The following NEBL variants were observed in gnomAD, a reference collection of about 807,000 sequenced individuals.
The protein encoded by NEBL is LIM and SH3 protein 2.
Under a neutral mutation model 140.2 loss-of-function variants are expected in NEBL, and 122 were observed. The observed-to-expected ratio is 0.87, with a 90% confidence interval of 0.75 to 1.01. The LOEUF (loss-of-function observed/expected upper bound fraction) is 1.01, where lower values mean the gene tolerates loss of function less well. Among genes scored for constraint, NEBL ranks in the 50% least tolerant of loss-of-function variants. The pLI, the probability that NEBL is intolerant of heterozygous loss-of-function variation, is 0.00. For synonymous variants in NEBL, 436 were observed against 398.9 expected (o/e 1.09, Z -1.11); for missense variants, 1,365 against 1,231.3 (o/e 1.11, Z -1.62).
At chr10:20,922,460 C>A (rs775799494) in intron 4 of NEBL, among the ~76,000 whole-genome samples, 6 of 152,158 alleles carry the variant, frequency 3.9e-5, no homozygotes, top group Non-Finnish European at 8.8e-5. Flanking sequence ...TACCAAAAAG[C>A]AAACTCATCC....
intron 2 of NEBL, among the ~76,000 whole-genome samples, chr10:21,132,802 C>A (rs777937041): frequency 4.6e-5 from 7 of 152,176 alleles, no homozygotes; most frequent in Non-Finnish European, 1.0e-4. Context: ...CTATTCAAAT[C>A]TGTTGCCTAT....
chr10:21,260,414 C>T (rs935393557), intron 1 of NEBL, among the ~76,000 whole-genome samples: 4 of 152,214 alleles, frequency 2.6e-5, no homozygotes, highest in African/African-American at 9.6e-5. Flanking sequence ...TTATGTTCAT[C>T]ATTTTCTTAT....
At chr10:21,112,804 G>T (rs528870087) in intron 2 of NEBL, 2 of 204,110 alleles carry the variant, frequency 9.8e-6, no homozygotes, top group East Asian at 2.4e-4. Flanking sequence ...TTTCCCTTGG[G>T]GGCTTTGAAA....
rs192147193 is a variant in NEBL, at chr10:20,782,974, T to G, written c.*2773A>C. On this transcript the variant is annotated 3_prime_UTR_variant, in exon 28 of 28. Transcript: ENST00000377122. ...TTTTAAAAGTGTATCAAACTGTTCC[T>G]TGTGCTTCTGTCAGGCTTGAGAACA... is the stretch of plus-strand genomic sequence containing the variant. 4.8e-4 allele frequency: 73 copies of G among 152,784 alleles called. No individual in the cohort carries two copies. Among genetic ancestry groups the G allele is most frequent in the African/African-American group, 1.7e-3 (72 of 41,586 alleles). 9.5% of individuals were successfully genotyped at this position (152,784 alleles called of 1,614,324 possible).
intron 3 of NEBL, among the ~76,000 whole-genome samples, chr10:21,005,789 C>G (rs1202761903): frequency 6.6e-6 from 1 of 151,754 alleles, no homozygotes; most frequent in African/African-American, 2.4e-5. Flanking sequence ...TACATCTACC[C>G]ACCCATAAGT....
chr10:20,837,315 G>T (rs1359577921), intron 13 of NEBL, among the ~76,000 whole-genome samples: 1 of 152,184 alleles, frequency 6.6e-6, no homozygotes, highest in Non-Finnish European at 1.5e-5. Context: ...CTGATATAGA[G>T]AAAGTTTTAG....
At chr10:20,926,060 A>T (rs1443218549) in intron 4 of NEBL, among the ~76,000 whole-genome samples, 1 of 151,954 alleles carries the variant, frequency 6.6e-6, no homozygotes, top group Non-Finnish European at 1.5e-5. Flanking sequence ...GTTTAACTAA[A>T]CTCTCCATTA....
At chr10:21,133,884 A>G (rs1293980945) in intron 2 of NEBL, among the ~76,000 whole-genome samples, 2 of 151,324 alleles carry the variant, frequency 1.3e-5, no homozygotes, top group African/African-American at 4.9e-5. Context: ...TGTATAAGTC[A>G]ATCTCTGTTT....
intron 1 of NEBL, among the ~76,000 whole-genome samples, chr10:21,264,992 A>G (rs999354553): frequency 2.6e-5 from 4 of 151,826 alleles, no homozygotes; most frequent in African/African-American, 9.7e-5. Flanking sequence ...GCACAATCTT[A>G]GCCCGCTGCA....
intron 3 of NEBL, among the ~76,000 whole-genome samples, chr10:21,203,964 A>G (rs1841784255): frequency 6.6e-6 from 1 of 152,176 alleles, no homozygotes. Flanking sequence ...GCTTTGTTTC[A>G]GGAATAAGTC....
At chr10:21,125,157 T>C (rs1838761230) in intron 2 of NEBL, among the ~76,000 whole-genome samples, 1 of 152,068 alleles carries the variant, frequency 6.6e-6, no homozygotes, top group Non-Finnish European at 1.5e-5. Flanking sequence ...CTAATTCTTA[T>C]GATGAATGGA....
intron 2 of NEBL, among the ~76,000 whole-genome samples, chr10:21,171,130 G>A (rs965212061): frequency 6.6e-6 from 1 of 152,106 alleles, no homozygotes; most frequent in Admixed American, 6.5e-5. Flanking sequence ...GAGGTCCAGA[G>A]TTCGAGGCCA....
chr10:20,786,101 G>A (rs1455154022), intron 27 of NEBL, among the ~76,000 whole-genome samples, 178 bp from the exon 28 acceptor site: 3 of 152,108 alleles, frequency 2.0e-5, no homozygotes, highest in African/African-American at 7.2e-5. Context: ...TACTAGTCTA[G>A]CAAATAGCTT....
At chr10:21,043,390 G>A (rs939372975) in intron 2 of NEBL, among the ~76,000 whole-genome samples, 2 of 152,156 alleles carry the variant, frequency 1.3e-5, no homozygotes, top group Non-Finnish European at 2.9e-5. Context: ...CAAGATCTTC[G>A]AGTGTGCTTT....
At chr10:21,268,961 G>T (rs949110051) in intron 1 of NEBL, among the ~76,000 whole-genome samples, 2 of 152,146 alleles carry the variant, frequency 1.3e-5, no homozygotes, top group Non-Finnish European at 2.9e-5. Flanking sequence ...TAGAGCATAA[G>T]TACCTAAGGG....
intron 2 of NEBL, among the ~76,000 whole-genome samples, chr10:21,074,940 A>G (rs1464691455): frequency 6.6e-6 from 1 of 151,652 alleles, no homozygotes; most frequent in Non-Finnish European, 1.5e-5. Context: ...AGTAGCTGGA[A>G]CTACAGGCAT....
At chr10:21,148,409 A>C (rs1839996949) in intron 2 of NEBL, among the ~76,000 whole-genome samples, 1 of 152,218 alleles carries the variant, frequency 6.6e-6, no homozygotes, top group African/African-American at 2.4e-5. Flanking sequence ...ATCAGTGATG[A>C]AGGTGAAAGA....
chr10:20,941,797 G>C (rs886555940), intron 4 of NEBL, among the ~76,000 whole-genome samples: 1 of 152,002 alleles, frequency 6.6e-6, no homozygotes, highest in African/African-American at 2.4e-5. Context: ...ACCAATAACA[G>C]ACAAACAGAG....
At chr10:20,851,495 G>A (rs114620380) in intron 10 of NEBL, among the ~76,000 whole-genome samples, 83 of 152,052 alleles carry the variant, frequency 5.5e-4, no homozygotes, top group African/African-American at 2.0e-3. Flanking sequence ...TTGTGAAATG[G>A]CCGGGTGCAG....
Sources: gnomAD v4.1 joint callset for allele counts (sites outside exome capture counted in the v4.1 genomes callset) on GRCh38, gnomAD v4.1.1 for gene constraint, MANE v1.5 for transcripts, NCBI Gene and HGNC (gene_info 2026-07-23, HGNC 2026-07-21) for gene names.